PRELID2: variants seen among roughly 807,000 people sequenced by gnomAD.
PRELID2 encodes PRELI domain-containing protein 2.
PRELID2 carries 25 observed loss-of-function variants against 28.4 expected under a neutral mutation model. The ratio of observed to expected loss-of-function variants is 0.88; its 90% confidence interval spans 0.64 to 1.23. The LOEUF (loss-of-function observed/expected upper bound fraction) is 1.23, where lower values mean the gene tolerates loss of function less well. PRELID2 is among the 50% of genes most tolerant of loss of function. The pLI, the probability that PRELID2 is intolerant of heterozygous loss-of-function variation, is 0.00. For missense variants in PRELID2, 201 were observed against 214.4 expected (o/e 0.94, Z 0.39); for synonymous variants, 76 against 71.6 (o/e 1.06, Z -0.31).
chr5:145,501,665 C>G (rs1215933938), intron 1 of PRELID2, among the ~76,000 whole-genome samples: 1 of 152,134 alleles, frequency 6.6e-6, no homozygotes, highest in Non-Finnish European at 1.5e-5. Flanking sequence ...CCATGTGGAA[C>G]AGTGAATCCA....
At chr5:145,331,981 T>C in the PRELID2 span, among the ~76,000 whole-genome samples, 1 of 152,208 alleles carries the variant, frequency 6.6e-6, no homozygotes, top group Non-Finnish European at 1.5e-5. Context: ...ACAAAATCTC[T>C]CAGCATTTGC....
chr5:145,339,790 C>A, the PRELID2 span, among the ~76,000 whole-genome samples: 1 of 152,044 alleles, frequency 6.6e-6, no homozygotes, highest in Non-Finnish European at 1.5e-5. Context: ...CAAAGGCAAG[C>A]CCTCAACTGG....
intron 1 of PRELID2, among the ~76,000 whole-genome samples, chr5:145,673,723 T>C (rs1754757417): frequency 1.3e-5 from 2 of 151,888 alleles, no homozygotes; most frequent in Non-Finnish European, 2.9e-5. Context: ...TATGAAAGAT[T>C]AAAAGTAAAA....
At chr5:145,312,584 C>T in the PRELID2 span, among the ~76,000 whole-genome samples, 1 of 152,144 alleles carries the variant, frequency 6.6e-6, no homozygotes, top group Non-Finnish European at 1.5e-5. Flanking sequence ...TTTTAAGATT[C>T]CACATATAAG....
the PRELID2 span, among the ~76,000 whole-genome samples, chr5:145,420,118 G>A: frequency 6.6e-6 from 1 of 152,028 alleles, no homozygotes; most frequent in Non-Finnish European, 1.5e-5. Flanking sequence ...GTTCCATGCT[G>A]TTTTGGTTAC....
chr5:145,472,423 T>C (rs1279004704), intron 2 of PRELID2, among the ~76,000 whole-genome samples: 1 of 152,144 alleles, frequency 6.6e-6, no homozygotes, highest in Non-Finnish European at 1.5e-5. Flanking sequence ...TGACCTAGTT[T>C]ATCAGTTGGT....
the PRELID2 span, among the ~76,000 whole-genome samples, chr5:145,430,335 C>G: frequency 6.6e-6 from 1 of 152,142 alleles, no homozygotes; most frequent in African/African-American, 2.4e-5. Flanking sequence ...ATTTCTTTGG[C>G]TTTGTATAAA....
chr5:145,666,681 A>G (rs550769923), intron 1 of PRELID2, among the ~76,000 whole-genome samples: 1 of 152,150 alleles, frequency 6.6e-6, no homozygotes, highest in African/African-American at 2.4e-5. Flanking sequence ...ACTTAAGAAC[A>G]TGGTTATTAA....
chr5:145,501,534 G>A (rs1752359936), intron 1 of PRELID2, among the ~76,000 whole-genome samples: 1 of 152,140 alleles, frequency 6.6e-6, no homozygotes, highest in South Asian at 2.1e-4. Flanking sequence ...GTGTGAATAA[G>A]TCTCATGAGA....
At chr5:145,463,265 C>T in the PRELID2 span, among the ~76,000 whole-genome samples, 1 of 151,206 alleles carries the variant, frequency 6.6e-6, no homozygotes, top group African/African-American at 2.4e-5. Context: ...TAAATCTTTG[C>T]AAAACATTTT....
the PRELID2 span, among the ~76,000 whole-genome samples, chr5:145,241,588 A>G: frequency 6.6e-6 from 1 of 152,016 alleles, no homozygotes; most frequent in Admixed American, 6.6e-5. Context: ...AAATATGAAG[A>G]ATGGAGAGGC....
At chr5:145,513,134 G>A (rs193250927) in intron 1 of PRELID2, among the ~76,000 whole-genome samples, 97 of 152,056 alleles carry the variant, frequency 6.4e-4, no homozygotes, top group African/African-American at 2.2e-3. Context: ...GACGGAGAAC[G>A]AATTTGACGA....
At chr5:145,780,495 T>C (rs879935738) in intron 5 of PRELID2, among the ~76,000 whole-genome samples, 4 of 152,188 alleles carry the variant, frequency 2.6e-5, no homozygotes, top group Admixed American at 1.3e-4. Flanking sequence ...GGCAGAGTAT[T>C]CTGCTGGCTT....
chr5:145,706,101 A>T (rs115684160), intron 1 of PRELID2, among the ~76,000 whole-genome samples: 231 of 152,318 alleles, frequency 1.5e-3, no homozygotes, highest in African/African-American at 5.5e-3. Flanking sequence ...TTTTAATTAA[A>T]TGGGAAAAAA....
At chr5:145,436,834 CT>C in the PRELID2 span, among the ~76,000 whole-genome samples, 9 of 152,130 alleles carry the variant, frequency 5.9e-5, no homozygotes, top group African/African-American at 2.2e-4. Flanking sequence ...CTCTTCTCTA[CT>C]AACTTCCTGC....
At position 145,786,048 on chromosome 5, in the gene PRELID2, A is replaced by C. The variant is rs544514677; in HGVS notation, c.474+10394T>G. 9.2e-5 allele frequency among the ~76,000 whole-genome samples: 14 copies of C among 152,324 alleles called. No individual in the cohort carries two copies. In the South Asian group the frequency reaches 2.7e-3, roughly 29 times the overall value. ...GTCAACTATTTTGTGCCTACTTATA[A>C]ATAAATAACTAATAAATGTCACAAT... is the stretch of plus-strand genomic sequence containing the variant. On this transcript the variant is annotated intron_variant, in intron 5 of 6. Transcript: ENST00000683046.
chr5:145,771,733 T>C (rs1465215065), intron 5 of PRELID2, among the ~76,000 whole-genome samples: 1 of 152,030 alleles, frequency 6.6e-6, no homozygotes, highest in Non-Finnish European at 1.5e-5. Flanking sequence ...CGCATGCCTG[T>C]AATCCCTGCT....
At chr5:145,376,698 CT>C in the PRELID2 span, among the ~76,000 whole-genome samples, 1 of 152,164 alleles carries the variant, frequency 6.6e-6, no homozygotes, top group African/African-American at 2.4e-5. Context: ...ATAATATTCT[CT>C]GATGAGGTTG....
chr5:145,330,130 A>T, the PRELID2 span, among the ~76,000 whole-genome samples: 1 of 152,168 alleles, frequency 6.6e-6, no homozygotes, highest in Non-Finnish European at 1.5e-5. Flanking sequence ...AGCCAAGTTG[A>T]TCATGGTGGA....
Sources: gnomAD v4.1 joint callset for allele counts (sites outside exome capture counted in the v4.1 genomes callset) on GRCh38, gnomAD v4.1.1 for gene constraint, MANE v1.5 for transcripts, NCBI Gene and HGNC (gene_info 2026-07-23, HGNC 2026-07-21) for gene names.